Variants in DNAH17 observed in about 807,000 individuals in gnomAD.
DNAH17 encodes the protein dynein axonemal heavy chain 17.
In DNAH17, 376 loss-of-function variants were observed where a neutral mutation model predicts 485.6. The ratio of observed to expected loss-of-function variants is 0.77; its 90% CI spans 0.71 to 0.84. DNAH17 has a LOEUF of 0.84. Ranked by LOEUF, DNAH17 falls within the 40% of genes least tolerant of loss-of-function variation. DNAH17 has a pLI of 0.00. For missense variants in DNAH17, 6,370 were observed against 5,839.3 expected, an observed-to-expected ratio of 1.09 and a Z score of -2.96; for synonymous variants, 3,031 against 2,405.9, an observed-to-expected ratio of 1.26 and a Z score of -7.60.
intron 77 of DNAH17, 61 bp from the exon 78 acceptor site, chr17:78,427,169 G>GCTCCCTGACCCTGCA: frequency 6.6e-7 from 1 of 1,525,344 alleles, no homozygotes; most frequent in South Asian, 1.2e-5. Context: ...CCCACTGCAG[G>GCTCCCTGACCCTGCA]GTCAGGGAGC....
Position 78,537,284 on chromosome 17 carries a change from G to A in DNAH17, c.2859+15C>T, listed in dbSNP as rs1208353494. ...TGGATGACCCTGTGTACGGCCAGAA[G>A]AGGCCAGGACTGACCTTGTAGTTCA... On this transcript the variant is annotated intron_variant, in intron 19 of 80. Coordinates refer to ENST00000389840, the MANE Select transcript of DNAH17 (RefSeq NM_173628.4). The A allele has an allele frequency of 1.3e-6, 2 of 1,551,194 alleles. No homozygotes were observed. The highest frequency in any genetic ancestry group is 4.9e-5 in the East Asian group (2 of 41,052).
At position 78,459,076 on chromosome 17, in the gene DNAH17, C is replaced by A. The variant is rs774597362; in HGVS notation, c.9786G>T (p.Arg3262Ser). 2 of 1,614,048 alleles carry A rather than the reference C, an allele frequency of 1.2e-6. No homozygotes were observed. Among genetic ancestry groups the A allele is most frequent in the South Asian group, 2.2e-5 (2 of 91,088 alleles). The part of the protein sequence containing the change: ...YEVYCDVAPK[R>S]QALEEANAEL... The stretch of plus-strand genomic sequence containing the variant: ...CTGCATTAGCCTCCTCCAGTGCCTG[C>A]CTCTTGGGCGCCACGTCGCAGTAGA... The change falls in exon 61 of 81, where the codon AGG (arginine) becomes AGT (serine). Residue 3262 changes from arginine (R) to serine (S), a missense_variant. By Grantham distance (110) the Arg-to-Ser change is moderately radical. Transcript: ENST00000389840.
intron 37 of DNAH17, among the ~76,000 whole-genome samples, chr17:78,498,280 G>A (rs1467037954): frequency 2.0e-5 from 3 of 152,240 alleles, no homozygotes; most frequent in Non-Finnish European, 4.4e-5. Flanking sequence ...GGTCTATCCT[G>A]TGGTGGGAGG....
rs768020230 is a variant in DNAH17 at position 78,500,501 on chromosome 17, C to T, written c.5484-40G>A. The T allele has an allele frequency of 5.3e-6, 8 of 1,509,486 alleles. No homozygotes were observed. The East Asian group carries it at 1.4e-4, about 27-fold the overall frequency. The allele number at this position is 1,509,486 out of a possible 1,614,324, so 93.5% of individuals were successfully genotyped here. A position where few individuals can be genotyped will look rare whatever the true frequency, so the allele number is the denominator to read the frequency against. On this transcript the variant is annotated intron_variant, in intron 35 of 80. Transcript: ENST00000389840. ...AGGTAAGCGTGTGTGCCAGCGACCCCATGGCCTCCCTGCTTTTATTTTTTT... is the reference window on the plus strand; with the variant it reads ...AGGTAAGCGTGTGTGCCAGCGACCCTATGGCCTCCCTGCTTTTATTTTTTT...
At chr17:78,533,061 C>A in intron 19 of DNAH17, 1 of 235,752 alleles carries the variant, frequency 4.2e-6, no homozygotes, top group Non-Finnish European at 8.3e-6. Flanking sequence ...CTGGCCCAAG[C>A]TCTCACCACG....
chr17:78,506,987 C>A (rs543117205), intron 29 of DNAH17, 141 bp from the exon 30 acceptor site: 719 of 1,288,192 alleles, frequency 5.6e-4, no homozygotes, highest in Non-Finnish European at 7.1e-4. Flanking sequence ...TTCAGAATCT[C>A]CTACCGGAGG....
At chr17:78,555,881 T>A (rs554028526) in intron 14 of DNAH17, among the ~76,000 whole-genome samples, 2 of 152,328 alleles carry the variant, frequency 1.3e-5, no homozygotes, top group South Asian at 2.1e-4. Context: ...CCTCATGGCC[T>A]GAGCTGGGCC....
chr17:78,476,558 G>A lies in DNAH17; in HGVS notation c.8154+14C>T, dbSNP rs762595505. On this transcript the variant is annotated intron_variant, in intron 52 of 80. Transcript: ENST00000389840. ...ATTCTGGGCTCGGCAGAGGGACTGGGCAGCTTGACTTACATCAAAGAACTT... is the reference window on the plus strand; with the variant it reads ...ATTCTGGGCTCGGCAGAGGGACTGGACAGCTTGACTTACATCAAAGAACTT... The A allele has an allele frequency of 6.2e-7, 1 of 1,604,306 alleles. No homozygotes were observed.
intron 51 of DNAH17, chr17:78,478,749 C>A: frequency 4.9e-6 from 2 of 411,196 alleles, no homozygotes; most frequent in Non-Finnish European, 8.7e-6. Context: ...ATCACCATCA[C>A]CACCATCACT....
rs1193694898 is a variant in DNAH17 at position 78,466,691 on chromosome 17, G to A, written c.8904C>T (p.Val2968=). ...HEWPEDALVS[V]SARFLEETEG... is the part of the protein sequence containing the mutation. ...CAGTCTCCTCCAGGAAGCGGGCGCT[G>A]ACGGACACCAGCGCATCTTCCGGCC... is the stretch of plus-strand genomic sequence containing the variant. The change falls in exon 56 of 81, where the codon GTC becomes GTT. Residue 2968 remains valine (V), a synonymous_variant. Transcript: ENST00000389840. 6.2e-7 allele frequency: 1 copy of A among 1,612,260 alleles called. No homozygotes were observed. The highest frequency in any genetic ancestry group is 8.5e-7 in the Non-Finnish European group (1 of 1,179,440).
At chr17:78,449,667 T>A in intron 68 of DNAH17, 83 bp from the exon 69 acceptor site, 1 of 1,371,876 alleles carries the variant, frequency 7.3e-7, no homozygotes, top group Non-Finnish European at 9.9e-7. Context: ...CTGCCACCTG[T>A]GGTGGCCTCC....
At chr17:78,543,449 C>A (rs1003020604) in intron 17 of DNAH17, among the ~76,000 whole-genome samples, 15 of 152,178 alleles carry the variant, frequency 9.9e-5, no homozygotes, top group Admixed American at 7.2e-4. Flanking sequence ...CGCCACCGCG[C>A]CCGGCTAATT....
chr17:78,492,065 G>A (rs1237062646), intron 42 of DNAH17, among the ~76,000 whole-genome samples: 2 of 152,116 alleles, frequency 1.3e-5, no homozygotes, highest in Non-Finnish European at 2.9e-5. Context: ...CGGGTCAGGG[G>A]TAGGGCCACT....
chr17:78,465,939 G>T (rs1482625352), intron 56 of DNAH17, among the ~76,000 whole-genome samples: 2 of 152,230 alleles, frequency 1.3e-5, no homozygotes, highest in Admixed American at 1.3e-4. Context: ...GTGCCCAGCA[G>T]CTCATTGAGA....
At chr17:78,457,284 C>T (rs925695902) in intron 62 of DNAH17, among the ~76,000 whole-genome samples, 16 of 152,144 alleles carry the variant, frequency 1.1e-4, no homozygotes, top group African/African-American at 2.6e-4. Flanking sequence ...GGCAGAAGAA[C>T]TACTTGAACC....
At chr17:78,455,594 T>A in intron 63 of DNAH17, 50 bp downstream of exon 63, 1 of 1,412,758 alleles carries the variant, frequency 7.1e-7, no homozygotes, top group Non-Finnish European at 9.4e-7. Flanking sequence ...CCCAAAGTGC[T>A]GGCATTACAG....
chr17:78,442,010 G>A (rs1250172559), intron 71 of DNAH17, among the ~76,000 whole-genome samples: 7 of 152,140 alleles, frequency 4.6e-5, no homozygotes, highest in South Asian at 2.1e-4. Flanking sequence ...TGGAACCCAG[G>A]AGGCAGAGGT....
chr17:78,506,756 G>A lies in DNAH17; in HGVS notation c.4767C>T (p.Leu1589=), dbSNP rs2090496122. Residue 1589 remains leucine (L), a synonymous_variant, in exon 30 of 81, where the codon CTC becomes CTT. Transcript: ENST00000389840. ...PRFYFVSSAD[L]LDILSNGNDP... ...CATTGCCATTGGAGAGAATGTCCAG[G>A]AGGTCAGCCGAGGAGACAAAATAGA... The A allele has an allele frequency of 1.9e-6, 3 of 1,613,874 alleles. No individual in the cohort carries two copies. Among genetic ancestry groups the A allele is most frequent in the Non-Finnish European group, 1.7e-6 (2 of 1,179,868 alleles).
At chr17:78,425,062 G>A (rs192203618) in intron 80 of DNAH17, 102 of 306,720 alleles carry the variant, frequency 3.3e-4, no homozygotes, top group East Asian at 2.1e-3. Context: ...TCATCACGTC[G>A]GAGCTGCTCT....
Sources: allele counts gnomAD v4.1 joint callset (sites outside exome capture counted in the v4.1 genomes callset), GRCh38; gene constraint gnomAD v4.1.1; transcripts MANE v1.5; gene names NCBI Gene and HGNC (gene_info 2026-07-23, HGNC 2026-07-21).